The following PDXDC1 variants were observed in gnomAD, a reference collection of about 807,000 sequenced individuals.
The protein encoded by PDXDC1 is pyridoxal-dependent decarboxylase domain-containing protein 1.
A neutral mutation model predicts 100.1 loss-of-function variants in PDXDC1; 42 were observed. The observed-to-expected ratio is 0.42, with a 90% CI of 0.33 to 0.54. The LOEUF (loss-of-function observed/expected upper bound fraction) is 0.54. PDXDC1 is among the 20% of genes least tolerant of loss of function. PDXDC1 has a pLI of 0.10. For missense variants in PDXDC1, 636 were observed against 979.2 expected, an observed-to-expected ratio of 0.65 and a Z score of 4.68; for synonymous variants, 260 against 371.7, an observed-to-expected ratio of 0.70 and a Z score of 3.46.
intron 16 of PDXDC1, chr16:15,134,228 TG>T: frequency 2.0e-6 from 2 of 1,024,646 alleles, no homozygotes; most frequent in Non-Finnish European, 3.0e-6. Flanking sequence ...CTGCTGCAAT[TG>T]AGGCAGCGGC....
chr16:15,146,610 G>A, the PDXDC1 span, among the ~76,000 whole-genome samples: 1 of 152,122 alleles, frequency 6.6e-6, no homozygotes, highest in African/African-American at 2.4e-5. Flanking sequence ...CACCGAGGCT[G>A]GGTGCTGAGG....
At chr16:15,074,113 T>C (rs1431799616) in intron 16 of PDXDC1, among the ~76,000 whole-genome samples, 3 of 152,186 alleles carry the variant, frequency 2.0e-5, no homozygotes, top group Non-Finnish European at 4.4e-5. Flanking sequence ...ATTTAAATTG[T>C]TTTTATCCTT....
intron 1 of PDXDC1, among the ~76,000 whole-genome samples, chr16:14,983,403 T>C (rs1968458845): frequency 6.8e-6 from 1 of 147,416 alleles, no homozygotes; most frequent in East Asian, 2.5e-4. Context: ...AAACCCCGTC[T>C]CTACTAAAAA....
chr16:15,087,593 C>A (rs2045958353), intron 16 of PDXDC1, among the ~76,000 whole-genome samples: 1 of 152,130 alleles, frequency 6.6e-6, no homozygotes, highest in South Asian at 2.1e-4. Flanking sequence ...CTGATGAAAT[C>A]CCAAGTAGCC....
chr16:15,122,155 CTCTG>C (rs1041967532), intron 16 of PDXDC1, among the ~76,000 whole-genome samples: 1 of 152,068 alleles, frequency 6.6e-6, no homozygotes, highest in Non-Finnish European at 1.5e-5. Context: ...CAGAGTGAGA[CTCTG>C]TCTAAAAAAC....
intron 16 of PDXDC1, among the ~76,000 whole-genome samples, chr16:15,089,434 GAA>G (rs1359144875): frequency 6.6e-6 from 1 of 152,138 alleles, no homozygotes; most frequent in African/African-American, 2.4e-5. Context: ...AACAGAGTGA[GAA>G]AAGAGTCAAG....
chr16:15,037,785 G>C lies in PDXDC1; in HGVS notation c.*1510G>C, dbSNP rs4985154. ...GTGAGAGGTAGGTTCTCCTCTGCCC[G>C]TTATTACCGACCAAAAAAAAAACTG... On this transcript the variant is annotated 3_prime_UTR_variant, in exon 23 of 23. Coordinates refer to ENST00000396410, the MANE Select transcript of PDXDC1 (RefSeq NM_015027.4). 0.28 allele frequency: 110,376 copies of C among 400,126 alleles called. 16,740 individuals carry two copies. Among genetic ancestry groups the C allele is most frequent in the Admixed American group, 0.44 (10,281 of 23,634 alleles). 24.8% of individuals were successfully genotyped at this position (400,126 alleles called of 1,614,324 possible). A position where few individuals can be genotyped will look rare whatever the true frequency, so the allele number is the denominator to read the frequency against.
intron 16 of PDXDC1, chr16:15,047,668 C>T (rs550148632): frequency 2.2e-5 from 21 of 937,232 alleles, no homozygotes; most frequent in Middle Eastern, 2.1e-4. Flanking sequence ...AGGGGAAAAA[C>T]GGACAGGTCT....
chr16:15,019,450 A>G (rs1302635833), intron 12 of PDXDC1, among the ~76,000 whole-genome samples: 4 of 152,292 alleles, frequency 2.6e-5, no homozygotes, highest in African/African-American at 9.6e-5. Context: ...ATTGTGAAAA[A>G]TATATAATTA....
intron 22 of PDXDC1, among the ~76,000 whole-genome samples, 163 bp downstream of exon 22, chr16:15,035,716 A>C (rs2043389530): frequency 6.6e-6 from 1 of 152,210 alleles, no homozygotes; most frequent in South Asian, 2.1e-4. Context: ...AGCCTTGAAG[A>C]AATCCCACGG....
the PDXDC1 span, among the ~76,000 whole-genome samples, chr16:15,148,635 T>G: frequency 2.0e-5 from 3 of 151,616 alleles, no homozygotes; most frequent in Non-Finnish European, 2.9e-5. Context: ...CCACCCACCC[T>G]GGCCTCCCAA....
At chr16:14,995,091 G>A (rs1429530264) in intron 1 of PDXDC1, among the ~76,000 whole-genome samples, 9 of 152,296 alleles carry the variant, frequency 5.9e-5, no homozygotes, top group Non-Finnish European at 1.0e-4. Context: ...TGCAAACAGG[G>A]ACAATTTGAC....
At chr16:15,020,567 T>G (rs1335087106) in intron 12 of PDXDC1, among the ~76,000 whole-genome samples, 1 of 152,272 alleles carries the variant, frequency 6.6e-6, no homozygotes, top group Non-Finnish European at 1.5e-5. Flanking sequence ...CGGGTGCCTG[T>G]AGTCCCAGCT....
At chr16:15,058,557 T>G (rs570480877) in intron 16 of PDXDC1, among the ~76,000 whole-genome samples, 1 of 152,056 alleles carries the variant, frequency 6.6e-6, no homozygotes, top group Non-Finnish European at 1.5e-5. Flanking sequence ...TGAAACTCCA[T>G]CTCTACTAAA....
At chr16:15,010,982 G>C (rs528866121) in intron 8 of PDXDC1, among the ~76,000 whole-genome samples, 151 of 151,960 alleles carry the variant, frequency 9.9e-4, no homozygotes, top group Admixed American at 8.8e-3. Context: ...GGAAGACTAA[G>C]TATTAAGTCA....
At chr16:15,035,181 T>G (rs2043332500) in intron 21 of PDXDC1, among the ~76,000 whole-genome samples, 1 of 152,230 alleles carries the variant, frequency 6.6e-6, no homozygotes, top group Non-Finnish European at 1.5e-5. Flanking sequence ...AGGCACCCAC[T>G]TCTTGTGGCT....
intron 16 of PDXDC1, among the ~76,000 whole-genome samples, chr16:15,089,798 A>AC (rs1161321500): frequency 6.7e-6 from 1 of 150,168 alleles, no homozygotes; most frequent in East Asian, 2.0e-4. Flanking sequence ...AAAAAAAAAA[A>AC]AAAAAAAAAA....
intron 16 of PDXDC1, chr16:15,093,945 T>G: frequency 1.7e-6 from 1 of 603,896 alleles, no homozygotes. Context: ...ACAGAGAACA[T>G]AGTCACTTTT....
At chr16:15,074,780 G>A in intron 16 of PDXDC1, 7 of 1,614,068 alleles carry the variant, frequency 4.3e-6, no homozygotes, top group South Asian at 1.1e-5. Context: ...AGGATGTCCA[G>A]GCGCTCGGCT....
Sources: allele counts gnomAD v4.1 joint callset (sites outside exome capture counted in the v4.1 genomes callset), GRCh38; gene constraint gnomAD v4.1.1; transcripts MANE v1.5; gene names NCBI Gene and HGNC (gene_info 2026-07-23, HGNC 2026-07-21).